Variants in FRK observed in about 807,000 individuals in gnomAD.
FRK encodes fyn related Src family tyrosine kinase, also known as tyrosine-protein kinase FRK.
Under a neutral mutation model 56.4 loss-of-function variants are expected in FRK, and 51 were observed. The observed-to-expected ratio is 0.90, with a 90% CI of 0.72 to 1.14. The LOEUF is 1.14. FRK is among the 50% of genes most tolerant of loss of function. The pLI, the probability that FRK is intolerant of heterozygous loss-of-function variation, is 0.00. For synonymous variants in FRK, 245 were observed against 217.9 expected (o/e 1.12, Z -1.10); for missense variants, 570 against 601.4 (o/e 0.95, Z 0.55).
At chr6:116,000,973 T>C (rs1193688986) in intron 2 of FRK, among the ~76,000 whole-genome samples, 18 of 152,004 alleles carry the variant, frequency 1.2e-4, no homozygotes, top group Non-Finnish European at 2.5e-4. Context: ...GGCGTGGTGG[T>C]TCACGCCTGT....
At chr6:116,044,678 C>A (rs1026273760) in intron 1 of FRK, among the ~76,000 whole-genome samples, 4 of 152,164 alleles carry the variant, frequency 2.6e-5, no homozygotes, top group African/African-American at 7.2e-5. Context: ...TGGCACAAGA[C>A]AAGGATGATC....
the FRK span, among the ~76,000 whole-genome samples, chr6:116,077,677 T>C: frequency 2.0e-5 from 3 of 152,232 alleles, no homozygotes; most frequent in African/African-American, 7.2e-5. Context: ...AGGGACTATC[T>C]AGGTACTGGA....
At chr6:115,955,690 A>T (rs1355910553) in intron 5 of FRK, among the ~76,000 whole-genome samples, 1 of 151,892 alleles carries the variant, frequency 6.6e-6, no homozygotes, top group East Asian at 1.9e-4. Context: ...CATCATTCTC[A>T]CCTCCCTTTA....
chr6:116,011,381 C>G (rs191399464), intron 1 of FRK, among the ~76,000 whole-genome samples: 39 of 152,084 alleles, frequency 2.6e-4, no homozygotes, highest in Non-Finnish European at 8.8e-5. Flanking sequence ...CATATGACTT[C>G]TTTTTATAAT....
At chr6:116,038,754 C>T (rs2114781141) in intron 1 of FRK, 1 of 485,214 alleles carries the variant, frequency 2.1e-6, no homozygotes, top group Non-Finnish European at 4.2e-6. Flanking sequence ...AGCTCCAGCG[C>T]CATGGCGACC....
rs574877443 is a variant in FRK, at chr6:115,937,022, C to A, written c.*5392G>T. 6.6e-6 allele frequency: 1 copy of A among 152,048 alleles called. No individual in the cohort carries two copies. Among genetic ancestry groups the A allele is most frequent in the African/African-American group, 2.4e-5 (1 of 41,400 alleles). 9.4% of individuals were successfully genotyped at this position (152,048 alleles called of 1,614,324 possible). ...GCAGAGCAACCCCAAGACATATAAT[C>A]GTCATATTCACCAAGGTTGAAATGA... is the stretch of plus-strand genomic sequence containing the variant. On this transcript the variant is annotated 3_prime_UTR_variant, in exon 8 of 8. Transcript: ENST00000606080.
intron 2 of FRK, among the ~76,000 whole-genome samples, chr6:115,997,914 C>T (rs1382770862): frequency 6.6e-6 from 1 of 152,210 alleles, no homozygotes; most frequent in Non-Finnish European, 1.5e-5. Flanking sequence ...GCAAAAGAAG[C>T]TGCCATTTCC....
At chr6:115,949,898 C>A (rs1562251288) in intron 5 of FRK, among the ~76,000 whole-genome samples, 1 of 152,144 alleles carries the variant, frequency 6.6e-6, no homozygotes, top group African/African-American at 2.4e-5. Flanking sequence ...ACCATCTGAT[C>A]TTTGACAAAC....
intron 2 of FRK, among the ~76,000 whole-genome samples, chr6:115,992,144 C>T (rs901748064): frequency 6.6e-6 from 1 of 151,494 alleles, no homozygotes. Flanking sequence ...TTTCATTCAT[C>T]CTTTGCTCTT....
At chr6:116,055,372 C>CT (rs1777350668) in intron 1 of FRK, among the ~76,000 whole-genome samples, 1 of 152,150 alleles carries the variant, frequency 6.6e-6, no homozygotes, top group African/African-American at 2.4e-5. Flanking sequence ...TTCTTGCTTT[C>CT]TTTTTCAAGG....
chr6:116,078,648 T>C, the FRK span, among the ~76,000 whole-genome samples: 1 of 152,176 alleles, frequency 6.6e-6, no homozygotes, highest in Non-Finnish European at 1.5e-5. Flanking sequence ...GCTTAACAAG[T>C]TGTCAGATGC....
the FRK span, among the ~76,000 whole-genome samples, chr6:116,085,751 G>T: frequency 6.6e-6 from 1 of 152,032 alleles, no homozygotes; most frequent in South Asian, 2.1e-4. Flanking sequence ...AGAGAGAGAG[G>T]GAGAGATGGT....
At chr6:116,084,252 G>T in the FRK span, among the ~76,000 whole-genome samples, 1 of 152,126 alleles carries the variant, frequency 6.6e-6, no homozygotes, top group South Asian at 2.1e-4. Flanking sequence ...ACCAAAAGAA[G>T]ATAACCAATG....
intron 1 of FRK, among the ~76,000 whole-genome samples, chr6:116,037,686 T>A (rs1776541040): frequency 6.6e-6 from 1 of 152,222 alleles, no homozygotes; most frequent in South Asian, 2.1e-4. Flanking sequence ...TTGTTTTCCT[T>A]AAACATTAGC....
At chr6:116,018,299 C>T (rs1482309070) in intron 1 of FRK, among the ~76,000 whole-genome samples, 1 of 152,158 alleles carries the variant, frequency 6.6e-6, no homozygotes, top group African/African-American at 2.4e-5. Flanking sequence ...CCATCTATTC[C>T]ATGTCTTTAT....
chr6:115,972,543 A>G (rs1314827434), intron 2 of FRK, among the ~76,000 whole-genome samples: 2 of 152,212 alleles, frequency 1.3e-5, no homozygotes, highest in East Asian at 1.9e-4. Flanking sequence ...GCAAAATGCC[A>G]TCAGCAAATT....
the FRK span, among the ~76,000 whole-genome samples, chr6:116,092,507 G>A: frequency 1.3e-5 from 2 of 151,986 alleles, no homozygotes; most frequent in African/African-American, 4.8e-5. Context: ...ATTTTTCTCG[G>A]TCCTCTTTGT....
the FRK span, among the ~76,000 whole-genome samples, chr6:116,068,093 C>A: frequency 1.3e-5 from 2 of 152,060 alleles, no homozygotes; most frequent in Non-Finnish European, 2.9e-5. Context: ...CTTGTAGGAC[C>A]AAACACTAGC....
the FRK span, among the ~76,000 whole-genome samples, chr6:116,096,867 A>G: frequency 6.6e-6 from 1 of 152,226 alleles, no homozygotes; most frequent in Non-Finnish European, 1.5e-5. Context: ...CACCTTTAAG[A>G]GCTGTAACAC....
Sources: gnomAD v4.1 joint callset for allele counts (sites outside exome capture counted in the v4.1 genomes callset) on GRCh38, gnomAD v4.1.1 for gene constraint, MANE v1.5 for transcripts, NCBI Gene and HGNC (gene_info 2026-07-23, HGNC 2026-07-21) for gene names.